OPCML: variants seen among roughly 807,000 people sequenced by gnomAD.
OPCML encodes opioid binding protein/cell adhesion molecule like.
In OPCML, 13 loss-of-function variants were observed where a neutral mutation model predicts 37.8. That is an observed-to-expected ratio of 0.34 (90% CI 0.22 to 0.55). The LOEUF (loss-of-function observed/expected upper bound fraction) is 0.55. Ranked by LOEUF, OPCML falls within the 20% of genes least tolerant of loss-of-function variation. OPCML has a pLI of 0.91. For synonymous variants in OPCML, 176 were observed against 168.8 expected, an observed-to-expected ratio of 1.04 and a Z score of -0.33; for missense variants, 341 against 435.6, an observed-to-expected ratio of 0.78 and a Z score of 1.93.
intron 2 of OPCML, among the ~76,000 whole-genome samples, chr11:132,683,003 A>G (rs1304754185): frequency 6.6e-6 from 1 of 152,230 alleles, no homozygotes; most frequent in African/African-American, 2.4e-5. Context: ...CTCATTTATA[A>G]CATTCTCATT....
chr11:132,795,476 T>G (rs922048728), intron 2 of OPCML, among the ~76,000 whole-genome samples: 1 of 152,180 alleles, frequency 6.6e-6, no homozygotes, highest in Non-Finnish European at 1.5e-5. Flanking sequence ...ATTCCCAAAG[T>G]GAAATCTCAT....
chr11:132,489,801 G>T (rs151012019), intron 4 of OPCML, among the ~76,000 whole-genome samples: 2 of 152,068 alleles, frequency 1.3e-5, no homozygotes, highest in Non-Finnish European at 2.9e-5. Flanking sequence ...TTTAAGCCCC[G>T]CATGCATTAG....
intron 2 of OPCML, among the ~76,000 whole-genome samples, chr11:132,874,289 G>C (rs972658606): frequency 6.6e-6 from 1 of 152,136 alleles, no homozygotes; most frequent in Non-Finnish European, 1.5e-5. Context: ...AATCTTGGCT[G>C]TCAGGATAGC....
chr11:133,405,223 C>T (rs553569445), intron 1 of OPCML, among the ~76,000 whole-genome samples: 27 of 152,270 alleles, frequency 1.8e-4, no homozygotes, highest in African/African-American at 5.3e-4. Context: ...GACCTGTGGG[C>T]GTTGAGCAGA....
intron 2 of OPCML, chr11:132,772,571 G>T (rs1246361444): frequency 1.3e-5 from 2 of 152,324 alleles, no homozygotes; most frequent in Admixed American, 1.3e-4. Context: ...CGGGAGCAGG[G>T]CTGCACAAGG....
rs530534559 is a variant in OPCML, at chr11:132,938,706, C to T, written c.146+4220G>A. Among the ~76,000 whole-genome samples the T allele has an allele frequency of 3.3e-5, 5 of 152,196 alleles. No individual in the cohort carries two copies. In the East Asian group the frequency reaches 9.7e-4, roughly 29 times the overall value. ...TAAGAATCAACCCCAGGTGCCTAGG[C>T]CCCCAGACACAGAGCTTTCTAGGGC... On this transcript the variant is annotated intron_variant, in intron 2 of 7. Coordinates refer to ENST00000524381, the MANE Select transcript of OPCML (RefSeq NM_001012393.5).
intron 1 of OPCML, among the ~76,000 whole-genome samples, chr11:133,471,720 T>G (rs1947120087): frequency 6.6e-6 from 1 of 151,844 alleles, no homozygotes; most frequent in Non-Finnish European, 1.5e-5. Context: ...GATTGAGGAG[T>G]AGTAAAATGT....
chr11:132,618,217 C>T (rs2575896), intron 3 of OPCML, among the ~76,000 whole-genome samples: 109,632 of 152,172 alleles, frequency 0.72, 39,893 homozygotes, highest in East Asian at 0.87. Context: ...TAATTAAAGG[C>T]TGGTTTTTTA....
intron 1 of OPCML, among the ~76,000 whole-genome samples, chr11:133,244,716 CT>C (rs1940859495): frequency 6.6e-6 from 1 of 152,182 alleles, no homozygotes; most frequent in Non-Finnish European, 1.5e-5. Flanking sequence ...CTCTCTCCTG[CT>C]CTCGCCATAT....
chr11:132,935,262 C>T (rs943502264), intron 2 of OPCML, among the ~76,000 whole-genome samples: 2 of 152,070 alleles, frequency 1.3e-5, no homozygotes, highest in African/African-American at 2.4e-5. Flanking sequence ...TCCATATTAT[C>T]TTCTTCTAAT....
At chr11:133,217,645 G>A (rs1385265252) in intron 1 of OPCML, among the ~76,000 whole-genome samples, 1 of 152,168 alleles carries the variant, frequency 6.6e-6, no homozygotes, top group Non-Finnish European at 1.5e-5. Context: ...CCCAATTCAG[G>A]GGAGATGAGC....
At chr11:132,867,876 A>G (rs912750573) in intron 2 of OPCML, among the ~76,000 whole-genome samples, 4 of 152,180 alleles carry the variant, frequency 2.6e-5, no homozygotes, top group Admixed American at 2.6e-4. Flanking sequence ...AAACAGTGTT[A>G]TGATCCATGT....
chr11:133,263,798 A>T (rs1941564845), intron 1 of OPCML, among the ~76,000 whole-genome samples: 1 of 152,196 alleles, frequency 6.6e-6, no homozygotes, highest in Non-Finnish European at 1.5e-5. Context: ...GCTAGAAAAA[A>T]ATAACGGCAT....
rs376236785 is a variant in OPCML at position 132,810,011 on chromosome 11, G to C, written c.146+132915C>G. On this transcript the variant is annotated intron_variant, in intron 2 of 7. Transcript: ENST00000524381. ...ACTACAGGCGCCCGCCACCACGCCC[G>C]GCTAATTTTTTGTATTTTTAGTAGA... Among the ~76,000 whole-genome samples, 440 of 152,018 alleles carry C rather than the reference G, an allele frequency of 2.9e-3. 3 individuals carry two copies. The highest frequency in any genetic ancestry group is 0.01 in the African/African-American group (420 of 41,454).
At chr11:132,489,564 C>T (rs1408349728) in intron 4 of OPCML, among the ~76,000 whole-genome samples, 1 of 152,152 alleles carries the variant, frequency 6.6e-6, no homozygotes, top group Non-Finnish European at 1.5e-5. Flanking sequence ...ATGAGTAAAG[C>T]ATTGTGCTAA....
intron 2 of OPCML, among the ~76,000 whole-genome samples, chr11:132,737,599 C>T (rs1448781838): frequency 6.6e-6 from 1 of 152,058 alleles, no homozygotes; most frequent in Non-Finnish European, 1.5e-5. Flanking sequence ...GGATAATTTG[C>T]TTAGCCATTC....
chr11:132,544,192 GCTC>G (rs1274062862), intron 3 of OPCML, among the ~76,000 whole-genome samples: 1 of 151,444 alleles, frequency 6.6e-6, no homozygotes, highest in Non-Finnish European at 1.5e-5. Flanking sequence ...AATATCCCTG[GCTC>G]CAGCAAAAAG....
chr11:132,856,514 AG>A (rs1181835037), intron 2 of OPCML, among the ~76,000 whole-genome samples: 1 of 152,218 alleles, frequency 6.6e-6, no homozygotes, highest in African/African-American at 2.4e-5. Context: ...AGCCAGCACC[AG>A]GGAAAGACAG....
At chr11:133,234,278 G>A (rs1232687798) in intron 1 of OPCML, among the ~76,000 whole-genome samples, 1 of 151,738 alleles carries the variant, frequency 6.6e-6, no homozygotes, top group Non-Finnish European at 1.5e-5. Context: ...AAAAAACACA[G>A]TTTTTACTTC....
Sources: allele counts gnomAD v4.1 joint callset (sites outside exome capture counted in the v4.1 genomes callset), GRCh38; gene constraint gnomAD v4.1.1; transcripts MANE v1.5; gene names NCBI Gene and HGNC (gene_info 2026-07-23, HGNC 2026-07-21).